The following FAM184A variants were observed in gnomAD, a reference collection of about 807,000 sequenced individuals.
FAM184A encodes the protein protein FAM184A.
In FAM184A, 99 loss-of-function variants were observed where a neutral mutation model predicts 143.8. The ratio of observed to expected loss-of-function variants is 0.69; its 90% CI spans 0.58 to 0.81. The LOEUF is 0.81. FAM184A is among the 40% of genes least tolerant of loss of function. The pLI, the probability that FAM184A is intolerant of heterozygous loss-of-function variation, is 0.00. For synonymous variants in FAM184A, 427 were observed against 446.4 expected (o/e 0.96, Z 0.55); for missense variants, 1,217 against 1,310.5 (o/e 0.93, Z 1.10).
intron 1 of FAM184A, among the ~76,000 whole-genome samples, chr6:119,088,385 C>T (rs930621827): frequency 1.3e-5 from 2 of 152,148 alleles, no homozygotes; most frequent in African/African-American, 4.8e-5. Flanking sequence ...CTGCTTTCCT[C>T]ATGGAGATGA....
At chr6:119,108,372 C>T (rs2114844485) in intron 1 of FAM184A, among the ~76,000 whole-genome samples, 1 of 152,172 alleles carries the variant, frequency 6.6e-6, no homozygotes, top group Non-Finnish European at 1.5e-5. Context: ...TTCTGAAATG[C>T]TGTTAAATAG....
chr6:119,113,618 T>TGAGA (rs143508010), intron 1 of FAM184A, among the ~76,000 whole-genome samples: 48 of 150,542 alleles, frequency 3.2e-4, no homozygotes, highest in African/African-American at 1.2e-3. Flanking sequence ...AATAAGATAT[T>TGAGA]GAGAGAGAGA....
chr6:119,118,223 C>A (rs1213017940), intron 1 of FAM184A, among the ~76,000 whole-genome samples: 4 of 152,152 alleles, frequency 2.6e-5, no homozygotes, highest in South Asian at 2.1e-4. Context: ...ACACTGGCTC[C>A]ACCATTCACT....
chr6:119,028,670 AACT>A (rs1221512813), intron 1 of FAM184A, among the ~76,000 whole-genome samples: 1 of 152,076 alleles, frequency 6.6e-6, no homozygotes, highest in Non-Finnish European at 1.5e-5. Context: ...CCCTCTAACT[AACT>A]TCTTCTGTAC....
intron 9 of FAM184A, among the ~76,000 whole-genome samples, chr6:118,984,167 ATATATATATATT>A (rs1784112750): frequency 8.5e-5 from 12 of 141,820 alleles, no homozygotes; most frequent in South Asian, 6.4e-4. Context: ...AAATATATAT[ATATATATATATT>A]TATATATATA....
intron 1 of FAM184A, among the ~76,000 whole-genome samples, chr6:119,060,698 T>C (rs1489865357): frequency 1.3e-5 from 2 of 152,176 alleles, no homozygotes; most frequent in East Asian, 1.9e-4. Flanking sequence ...TGGTTTCTAA[T>C]GGTTTAGCAC....
chr6:119,103,043 T>C (rs964952651), intron 1 of FAM184A, among the ~76,000 whole-genome samples: 3 of 152,162 alleles, frequency 2.0e-5, no homozygotes, highest in African/African-American at 7.2e-5. Context: ...TCAACCCTAA[T>C]TGGTCTGAAT....
rs1017970554 is a variant in FAM184A, at chr6:119,067,966, T to C, written c.159+10175A>G. On this transcript the variant is annotated intron_variant, in intron 1 of 17. Transcript: ENST00000338891. ...CAGCCTGGGCAACATAGCCAGACTC[T>C]ATCTCTAAAAAATAAATAAATAAAC... Among the ~76,000 whole-genome samples the C allele has an allele frequency of 5.9e-5, 9 of 151,796 alleles. No homozygotes were observed. In the South Asian group the frequency reaches 1.2e-3, roughly 21 times the overall value.
chr6:119,100,713 T>C (rs1384808723), intron 1 of FAM184A, among the ~76,000 whole-genome samples: 2 of 151,940 alleles, frequency 1.3e-5, no homozygotes, highest in African/African-American at 4.9e-5. Context: ...TCCCAGCACT[T>C]TGGGAGGCCG....
intron 1 of FAM184A, among the ~76,000 whole-genome samples, chr6:119,124,884 TGA>T (rs532077503): frequency 1.1e-4 from 16 of 152,172 alleles, no homozygotes; most frequent in Non-Finnish European, 1.8e-4. Flanking sequence ...ATGTAGCTGA[TGA>T]GAGAGATAAA....
chr6:119,131,018 T>G (rs1789521619), intron 1 of FAM184A, among the ~76,000 whole-genome samples: 1 of 151,814 alleles, frequency 6.6e-6, no homozygotes, highest in Non-Finnish European at 1.5e-5. Context: ...GCCACCATGC[T>G]TGGTTAATTT....
At chr6:118,993,277 T>C (rs1784435291) in intron 9 of FAM184A, among the ~76,000 whole-genome samples, 1 of 152,200 alleles carries the variant, frequency 6.6e-6, no homozygotes, top group African/African-American at 2.4e-5. Context: ...AATTCTATTA[T>C]TGAAGGATAG....
chr6:119,145,922 T>A (rs1772410678), intron 1 of FAM184A, among the ~76,000 whole-genome samples: 1 of 152,200 alleles, frequency 6.6e-6, no homozygotes, highest in South Asian at 2.1e-4. Flanking sequence ...GCTAAATATT[T>A]GCACATGATT....
At chr6:118,979,262 C>T (rs767302608) in intron 11 of FAM184A, 103 bp downstream of exon 11, 20 of 1,095,790 alleles carry the variant, frequency 1.8e-5, no homozygotes, top group Admixed American at 2.6e-5. Context: ...TTCATTTTGA[C>T]GTTTCAAAAT....
chr6:119,002,910 G>A lies in FAM184A; in HGVS notation c.2077C>T (p.Leu693Phe). The A allele has an allele frequency of 6.2e-7, 1 of 1,610,018 alleles. No individual in the cohort carries two copies. ...RDSWQKKVED[L>F]LNQISLLKQN... ...ACATTATTAATTACCTGGTTTAAGA[G>A]ATCTTCTACTTTCTTCTGCCATGAA... is the stretch of plus-strand genomic sequence containing the variant. Residue 693 changes from leucine to phenylalanine, a missense_variant, in exon 9 of 18, where the codon CTC becomes TTC. Leu to Phe is a conservative substitution (Grantham distance 22, BLOSUM62 0). Transcript: ENST00000338891.
rs375843703 is a variant in FAM184A at position 118,984,158 on chromosome 6, A to AAAT, written c.2089-3809_2089-3808insATT. ...ATAACGAAACTCCATTTAAAAAAAAAATATATATATATATATATATTTATA... is the reference window on the plus strand; with the variant it reads ...ATAACGAAACTCCATTTAAAAAAAAAAATATATATATATATATATATATTTATA... On this transcript the variant is annotated intron_variant, in intron 9 of 17. Transcript: ENST00000338891. 9.1e-3 allele frequency among the ~76,000 whole-genome samples: 1,155 copies of AAAT among 126,940 alleles called. 18 individuals carry two copies. Among genetic ancestry groups the AAAT allele is most frequent in the East Asian group, 0.047 (219 of 4,704 alleles). 83.3% of individuals were successfully genotyped at this position (126,940 alleles called of 152,430 possible). A position where few individuals can be genotyped will look rare whatever the true frequency, so the allele number is the denominator to read the frequency against.
intron 6 of FAM184A, among the ~76,000 whole-genome samples, chr6:119,010,635 T>C (rs1251005390): frequency 2.0e-5 from 3 of 152,200 alleles, no homozygotes; most frequent in Non-Finnish European, 4.4e-5. Flanking sequence ...TTTCCTCTTT[T>C]TAAATTTTGC....
At chr6:118,976,334 T>C (rs1262539171) in intron 11 of FAM184A, among the ~76,000 whole-genome samples, 1 of 152,114 alleles carries the variant, frequency 6.6e-6, no homozygotes, top group East Asian at 1.9e-4. Flanking sequence ...CTAATGGAGA[T>C]GAAGTATTTT....
rs1422327788 is a variant in FAM184A, at chr6:119,026,215, A to G, written c.160-1402T>C. Among the ~76,000 whole-genome samples, 4 of 152,340 alleles carry G rather than the reference A, an allele frequency of 2.6e-5. No individual in the cohort carries two copies. In the East Asian group the frequency reaches 7.7e-4, roughly 29 times the overall value. On this transcript the variant is annotated intron_variant, in intron 1 of 17. Coordinates refer to ENST00000338891, the MANE Select transcript of FAM184A (RefSeq NM_024581.6). ...CATGCTATCCCTTTTTGCAAAGTCTACAGGAAAAAATGTGAACAGAAGTAC... is the reference window on the plus strand; with the variant it reads ...CATGCTATCCCTTTTTGCAAAGTCTGCAGGAAAAAATGTGAACAGAAGTAC...
Sources: allele counts gnomAD v4.1 joint callset (sites outside exome capture counted in the v4.1 genomes callset), GRCh38; gene constraint gnomAD v4.1.1; transcripts MANE v1.5; gene names NCBI Gene and HGNC (gene_info 2026-07-23, HGNC 2026-07-21).